The following PCDHA6 variants were observed in gnomAD, a reference collection of about 807,000 sequenced individuals.
PCDHA6 encodes the protein protocadherin alpha-6.
A neutral mutation model predicts 60.3 loss-of-function variants in PCDHA6; 55 were observed. That is an observed-to-expected ratio of 0.91 (90% CI 0.73 to 1.14). The LOEUF is 1.14. Ranked by LOEUF, PCDHA6 falls within the 50% of genes most tolerant of loss-of-function variation. The pLI, the probability that PCDHA6 is intolerant of heterozygous loss-of-function variation, is 0.00. For synonymous variants in PCDHA6, 652 were observed against 557.9 expected, an observed-to-expected ratio of 1.17 and a Z score of -2.38; for missense variants, 1,327 against 1,256.5, an observed-to-expected ratio of 1.06 and a Z score of -0.85.
rs781841380 is a variant in PCDHA6 at position 140,857,728 on chromosome 5, C to A, written c.2394+27243C>A. 89 of 1,597,306 alleles carry A rather than the reference C, an allele frequency of 5.6e-5. 11 individuals are homozygous for A. Among genetic ancestry groups the A allele is most frequent in the Non-Finnish European group, 7.3e-5 (85 of 1,167,718 alleles). On this transcript the variant is annotated intron_variant, in intron 1 of 3. Transcript: ENST00000529310. ...TGTTCGTGCTGGACGAGAACGACAA[C>A]GCTCCCGCGCTGCTGGCGTCTCCCG...
intron 1 of PCDHA6, among the ~76,000 whole-genome samples, chr5:140,907,086 A>T (rs1042352534): frequency 6.6e-6 from 1 of 152,136 alleles, no homozygotes; most frequent in East Asian, 1.9e-4. Context: ...GGTGATGGTA[A>T]GTGGTGCCAC....
Position 140,969,579 on chromosome 5 carries a change from G to A in PCDHA6, c.2395-9370G>A, listed in dbSNP as rs373969836. Reference sequence around the variant, plus strand: ...TCCATAAAATTGTTTGAGAAGTGAGGATTAGTCTTAATATTTAATGCTAAA... The same window carrying A: ...TCCATAAAATTGTTTGAGAAGTGAGAATTAGTCTTAATATTTAATGCTAAA... On this transcript the variant is annotated intron_variant, in intron 1 of 3. Coordinates refer to ENST00000529310, the MANE Select transcript of PCDHA6 (RefSeq NM_018909.4). 1,666 of 951,704 alleles carry A rather than the reference G, an allele frequency of 1.8e-3. 9 individuals carry two copies. The Middle Eastern group carries it at 0.019, about 11-fold the overall frequency. 59.0% of individuals were successfully genotyped at this position (951,704 alleles called of 1,614,324 possible). A position where few individuals can be genotyped will look rare whatever the true frequency, so the allele number is the denominator to read the frequency against.
At chr5:140,928,252 G>T in intron 1 of PCDHA6, 1 of 1,614,208 alleles carries the variant, frequency 6.2e-7, no homozygotes, top group Non-Finnish European at 8.5e-7. Flanking sequence ...GGAACTTTTC[G>T]TTGCTGAAAA....
chr5:140,829,475 G>A lies in PCDHA6; in HGVS notation c.1384G>A (p.Val462Met). The change falls in exon 1 of 4, where the codon GTG becomes ATG. Residue 462 changes from valine to methionine, a missense_variant. Val to Met is a conservative substitution (Grantham distance 21, BLOSUM62 1). Coordinates refer to ENST00000529310, the MANE Select transcript of PCDHA6 (RefSeq NM_018909.4). ...GGCGTTCGCGCAGCCCGAGTACACA[G>A]TGTTCGTGAAGGAGAACAACCCGCC... ...APAFAQPEYT[V>M]FVKENNPPGC... 4.3e-6 allele frequency: 7 copies of A among 1,613,854 alleles called. No homozygotes were observed. The highest frequency in any genetic ancestry group is 5.9e-6 in the Non-Finnish European group (7 of 1,180,018).
chr5:140,958,385 A>C (rs2095421525), intron 1 of PCDHA6, among the ~76,000 whole-genome samples: 1 of 152,206 alleles, frequency 6.6e-6, no homozygotes, highest in African/African-American at 2.4e-5. Flanking sequence ...TTTTCTTAAC[A>C]GGTCATCAAA....
rs2150408028 is a variant in PCDHA6, at chr5:140,848,285, C to G, written c.2394+17800C>G. 1.1e-4 allele frequency: 65 copies of G among 617,022 alleles called. 3 individuals carry two copies. The South Asian group carries it at 1.4e-3, about 14-fold the overall frequency. The allele number at this position is 617,022 out of a possible 1,614,324, so 38.2% of individuals were successfully genotyped here. On this transcript the variant is annotated intron_variant, in intron 1 of 3. Transcript: ENST00000529310. The stretch of plus-strand genomic sequence containing the variant: ...TTTATTCATGAAATATGTACTTACA[C>G]TTTGGGCCACGTGATGTCACTCTTT...
intron 1 of PCDHA6, chr5:140,852,643 C>A: frequency 2.1e-6 from 2 of 958,796 alleles, no homozygotes; most frequent in Non-Finnish European, 2.5e-6. Context: ...TGTCATTAAA[C>A]CTATCTATAT....
Position 140,890,095 on chromosome 5 carries a change from C to T in PCDHA6, c.2394+59610C>T, listed in dbSNP as rs1237299507. On this transcript the variant is annotated intron_variant, in intron 1 of 3. Coordinates refer to ENST00000529310, the MANE Select transcript of PCDHA6 (RefSeq NM_018909.4). ...TGAGAACTGATAATGCAAATTTATT[C>T]CCAACTCTGGATTCAATGATGTCAC... Among the ~76,000 whole-genome samples the T allele has an allele frequency of 2.6e-5, 4 of 152,128 alleles. 1 individual carries two copies. The highest frequency in any genetic ancestry group is 1.3e-4 in the Admixed American group (2 of 15,262).
At chr5:140,937,284 G>A (rs1473374286) in intron 1 of PCDHA6, among the ~76,000 whole-genome samples, 2 of 151,964 alleles carry the variant, frequency 1.3e-5, no homozygotes, top group South Asian at 2.1e-4. Context: ...TGATTCACCC[G>A]CTTCGGCCTC....
chr5:140,868,957 A>G (rs2050760003), intron 1 of PCDHA6: 2 of 1,389,232 alleles, frequency 1.4e-6, no homozygotes, highest in East Asian at 2.3e-5. Context: ...AGGCACTCCC[A>G]TACAAAGGAA....
intron 3 of PCDHA6, among the ~76,000 whole-genome samples, chr5:141,003,540 T>C (rs2098129225): frequency 6.6e-6 from 1 of 152,188 alleles, no homozygotes; most frequent in Non-Finnish European, 1.5e-5. Flanking sequence ...CTTGAACTCC[T>C]GGCTTCAAGT....
intron 1 of PCDHA6, chr5:140,853,856 G>T: frequency 1.0e-6 from 1 of 985,598 alleles, no homozygotes; most frequent in South Asian, 4.7e-5. Context: ...AGCCCTATTT[G>T]ATACTTGACA....
At chr5:140,842,910 T>C (rs1778388313) in intron 1 of PCDHA6, 1 of 1,594,510 alleles carries the variant, frequency 6.3e-7, no homozygotes, top group Non-Finnish European at 8.6e-7. Context: ...GAGCTAGAGC[T>C]GCTGCAGTTC....
At position 141,010,207 on chromosome 5, in the gene PCDHA6, A is replaced by C; in HGVS notation, c.*270A>C. The C allele has an allele frequency of 6.4e-7, 1 of 1,551,870 alleles. No homozygotes were observed. ...CCAAGTTTCCTTTCTCCTCCGCCGC[A>C]AAGGAGAGGCTTCCCAGCCCCGCCA... On this transcript the variant is annotated 3_prime_UTR_variant, in exon 4 of 4. Transcript: ENST00000529310.
chr5:140,929,697 T>G (rs2086305900), intron 1 of PCDHA6: 1 of 266,272 alleles, frequency 3.8e-6, no homozygotes, highest in African/African-American at 2.2e-5. Flanking sequence ...CTGCTTTATA[T>G]GAATATAATA....
chr5:140,880,970 C>A (rs2058546777), intron 1 of PCDHA6, among the ~76,000 whole-genome samples: 1 of 152,070 alleles, frequency 6.6e-6, no homozygotes, highest in South Asian at 2.1e-4. Context: ...TAAGAGAATA[C>A]CAAATACTCT....
At position 140,944,452 on chromosome 5, in the gene PCDHA6, G is replaced by A. The variant is rs147335783; in HGVS notation, c.2395-34497G>A. 1.8e-3 allele frequency among the ~76,000 whole-genome samples: 280 copies of A among 152,282 alleles called. 3 individuals are homozygous for A. Among genetic ancestry groups the A allele is most frequent in the African/African-American group, 6.4e-3 (266 of 41,552 alleles). ...TCTGCCTGCCTCGGCCTCCCAAAGTGCTGGGATTACAGGTATGAGGCACTG... is the reference window on the plus strand; with the variant it reads ...TCTGCCTGCCTCGGCCTCCCAAAGTACTGGGATTACAGGTATGAGGCACTG... On this transcript the variant is annotated intron_variant, in intron 1 of 3. Coordinates refer to ENST00000529310, the MANE Select transcript of PCDHA6 (RefSeq NM_018909.4).
At chr5:140,959,624 AAAAG>A (rs2095502972) in intron 1 of PCDHA6, among the ~76,000 whole-genome samples, 1 of 152,220 alleles carries the variant, frequency 6.6e-6, no homozygotes, top group Non-Finnish European at 1.5e-5. Context: ...GTGATAGAAA[AAAAG>A]AGAGAAAAAA....
chr5:140,960,402 G>C (rs2095546836), intron 1 of PCDHA6, among the ~76,000 whole-genome samples: 1 of 152,026 alleles, frequency 6.6e-6, no homozygotes, highest in African/African-American at 2.4e-5. Flanking sequence ...GCAAGGGGGG[G>C]TGCCCAAAAA....
Sources: gnomAD v4.1 joint callset for allele counts (sites outside exome capture counted in the v4.1 genomes callset) on GRCh38, gnomAD v4.1.1 for gene constraint, MANE v1.5 for transcripts, NCBI Gene and HGNC (gene_info 2026-07-23, HGNC 2026-07-21) for gene names.